IMMP1L: variants seen among roughly 807,000 people sequenced by gnomAD.
IMMP1L encodes the protein inner mitochondrial membrane peptidase subunit 1.
Under a neutral mutation model 21.8 loss-of-function variants are expected in IMMP1L, and 24 were observed. The observed-to-expected ratio is 1.10, with a 90% CI of 0.80 to 1.55. IMMP1L has a LOEUF of 1.55. Ranked by LOEUF, IMMP1L falls within the 40% of genes most tolerant of loss-of-function variation. IMMP1L has a pLI of 0.00. For synonymous variants in IMMP1L, 46 were observed against 62.8 expected (o/e 0.73, Z 1.26); for missense variants, 195 against 200.7 (o/e 0.97, Z 0.17).
intron 1 of IMMP1L, among the ~76,000 whole-genome samples, chr11:31,468,653 C>CATG (rs1349416767): frequency 6.6e-6 from 1 of 152,148 alleles, no homozygotes; most frequent in African/African-American, 2.4e-5. Context: ...CAATAGTGAA[C>CATG]ATGATGCCTT....
At chr11:31,508,110 A>G (rs1213050230) in intron 1 of IMMP1L, among the ~76,000 whole-genome samples, 2 of 152,166 alleles carry the variant, frequency 1.3e-5, no homozygotes, top group African/African-American at 4.8e-5. Context: ...ACCACAGCAC[A>G]CGTTTACCTA....
intron 1 of IMMP1L, chr11:31,488,129 A>G (rs1190505560): frequency 6.6e-6 from 1 of 152,064 alleles, no homozygotes; most frequent in Admixed American, 6.6e-5. Flanking sequence ...CCCACTTACC[A>G]TAGGTCTGTT....
At chr11:31,439,235 T>C (rs1953233484) in intron 4 of IMMP1L, among the ~76,000 whole-genome samples, 1 of 152,140 alleles carries the variant, frequency 6.6e-6, no homozygotes, top group African/African-American at 2.4e-5. Context: ...ATCCATAGCC[T>C]TCATGTTAAT....
intron 1 of IMMP1L, among the ~76,000 whole-genome samples, chr11:31,486,366 T>C (rs554668410): frequency 6.6e-6 from 1 of 151,952 alleles, no homozygotes; most frequent in Non-Finnish European, 1.5e-5. Context: ...AGGCATGATA[T>C]GTTACTAAAT....
intron 1 of IMMP1L, among the ~76,000 whole-genome samples, chr11:31,489,526 C>CT (rs1322185658): frequency 2.0e-5 from 3 of 152,162 alleles, no homozygotes; most frequent in Non-Finnish European, 4.4e-5. Flanking sequence ...GAGAGAAACT[C>CT]TGATATATTA....
intron 3 of IMMP1L, among the ~76,000 whole-genome samples, chr11:31,458,172 G>C (rs1416615449): frequency 8.4e-6 from 1 of 119,608 alleles, no homozygotes; most frequent in Non-Finnish European, 1.6e-5. Context: ...GTAGAAAGTA[G>C]TATAAATAAA....
chr11:31,451,482 T>C (rs948371465), intron 4 of IMMP1L, among the ~76,000 whole-genome samples: 3 of 152,212 alleles, frequency 2.0e-5, no homozygotes, highest in Admixed American at 6.5e-5. Flanking sequence ...CATGATTTGC[T>C]ACGGGATTGG....
intron 1 of IMMP1L, among the ~76,000 whole-genome samples, chr11:31,486,627 A>T (rs1167970170): frequency 6.6e-6 from 1 of 152,008 alleles, no homozygotes; most frequent in Non-Finnish European, 1.5e-5. Context: ...ATATTTTTTA[A>T]AACACATTCT....
intron 1 of IMMP1L, among the ~76,000 whole-genome samples, chr11:31,475,133 A>C (rs1052004067): frequency 1.3e-5 from 2 of 152,178 alleles, no homozygotes; most frequent in African/African-American, 4.8e-5. Context: ...CTAATACTTC[A>C]ATGTATTTCA....
chr11:31,508,357 A>C (rs1214584347), intron 1 of IMMP1L, among the ~76,000 whole-genome samples: 1 of 152,224 alleles, frequency 6.6e-6, no homozygotes, highest in Non-Finnish European at 1.5e-5. Flanking sequence ...TTATTACCAT[A>C]GGTCTAAAAT....
intron 1 of IMMP1L, among the ~76,000 whole-genome samples, chr11:31,467,031 C>T (rs1954381326): frequency 6.6e-6 from 1 of 151,974 alleles, no homozygotes; most frequent in African/African-American, 2.4e-5. Flanking sequence ...TTAATACATA[C>T]AATTATTACA....
At chr11:31,486,342 G>A (rs1182417702) in intron 1 of IMMP1L, among the ~76,000 whole-genome samples, 1 of 151,834 alleles carries the variant, frequency 6.6e-6, no homozygotes, top group Non-Finnish European at 1.5e-5. Context: ...TCAGTAAAGT[G>A]AAGGAGTTAT....
intron 1 of IMMP1L, among the ~76,000 whole-genome samples, chr11:31,506,226 C>CTTT (rs548091856): frequency 6.1e-5 from 8 of 131,170 alleles, no homozygotes; most frequent in African/African-American, 1.6e-4. Flanking sequence ...AAACATATAA[C>CTTT]TTTTTTTTTT....
intron 1 of IMMP1L, among the ~76,000 whole-genome samples, chr11:31,474,889 C>T (rs915838159): frequency 2.6e-5 from 4 of 152,110 alleles, no homozygotes; most frequent in African/African-American, 9.7e-5. Flanking sequence ...TGATTCTCAT[C>T]CTACATCACA....
chr11:31,479,617 C>T (rs941537443), intron 1 of IMMP1L, among the ~76,000 whole-genome samples: 6 of 151,954 alleles, frequency 3.9e-5, no homozygotes, highest in African/African-American at 7.2e-5. Flanking sequence ...TTGAGATGTA[C>T]TATAAGTATT....
intron 1 of IMMP1L, among the ~76,000 whole-genome samples, chr11:31,486,447 T>C (rs1195337558): frequency 1.3e-5 from 2 of 151,962 alleles, no homozygotes; most frequent in Non-Finnish European, 2.9e-5. Context: ...ATACTATAAC[T>C]AGATCTATTT....
At chr11:31,453,246 C>A (rs1953817898) in intron 4 of IMMP1L, among the ~76,000 whole-genome samples, 1 of 152,168 alleles carries the variant, frequency 6.6e-6, no homozygotes, top group Non-Finnish European at 1.5e-5. Context: ...TGTTTATGTT[C>A]TTTTCTGCCA....
intron 1 of IMMP1L, among the ~76,000 whole-genome samples, chr11:31,481,323 T>A (rs1051437318): frequency 4.6e-5 from 7 of 152,270 alleles, no homozygotes; most frequent in East Asian, 1.9e-4. Flanking sequence ...TGAATTTCAG[T>A]TTTTAAATGC....
chr11:31,473,269 T>G (rs991549408), intron 1 of IMMP1L, among the ~76,000 whole-genome samples: 1 of 152,066 alleles, frequency 6.6e-6, no homozygotes, highest in African/African-American at 2.4e-5. Flanking sequence ...CAGGATGGTC[T>G]TCATCTCCTG....
Sources: gnomAD v4.1 joint callset for allele counts (sites outside exome capture counted in the v4.1 genomes callset) on GRCh38, gnomAD v4.1.1 for gene constraint, MANE v1.5 for transcripts, NCBI Gene and HGNC (gene_info 2026-07-23, HGNC 2026-07-21) for gene names.